ADGRG4: variants seen among roughly 807,000 people sequenced by gnomAD.
ADGRG4 encodes the protein adhesion G protein-coupled receptor G4, also known as G protein-coupled receptor 112.
A neutral mutation model predicts 126.2 loss-of-function variants in ADGRG4; 122 were observed. That is an observed-to-expected ratio of 0.97 (90% confidence interval 0.83 to 1.12). ADGRG4 has a LOEUF of 1.12. Among genes scored for constraint, ADGRG4 ranks in the 50% most tolerant of loss-of-function variants. ADGRG4 has a pLI of 0.00. For synonymous variants in ADGRG4, 943 were observed against 838.7 expected (o/e 1.12, Z -2.15); for missense variants, 2,481 against 2,251.8 (o/e 1.10, Z -2.06).
Position 136,357,713 on chromosome X carries a change from A to G in ADGRG4, c.6937A>G (p.Arg2313Gly), listed in dbSNP as rs981030037. ...MVMDRAILEQ[R>G]EGQEMATISY... ...TTTTCTTTTGCATTAGTTGGAACAG[A>G]GAGAAGGACAAGAAATGGCTACAAT... The change falls in exon 10 of 26, where the codon AGA becomes GGA. Residue 2313 changes from arginine (R) to glycine (G), a missense_variant. Physicochemically the swap from Arg to Gly is moderately radical, Grantham distance 125 (BLOSUM62 -2). Coordinates refer to ENST00000394143, the MANE Select transcript of ADGRG4 (RefSeq NM_153834.4). The G allele has an allele frequency of 8.4e-7, 1 of 1,190,237 alleles. No individual in the cohort carries two copies. The highest frequency in any genetic ancestry group is 1.1e-6 in the Non-Finnish European group (1 of 877,027).
chrX:136,390,341 C>A (rs187471860), intron 16 of ADGRG4, among the ~76,000 whole-genome samples: 48 of 111,663 alleles, frequency 4.3e-4, no homozygotes, highest in African/African-American at 1.6e-3. Flanking sequence ...CATGAGCCAC[C>A]GTGCCTGGTC....
At chrX:136,325,750 A>T (rs1334384574) in intron 5 of ADGRG4, among the ~76,000 whole-genome samples, 1 of 101,682 alleles carries the variant, frequency 9.8e-6, no homozygotes, top group African/African-American at 3.7e-5. Flanking sequence ...TCGCTGCGAC[A>T]CCCAGGCTGG....
Position 136,323,152 on chromosome X carries a change from C to T in ADGRG4, c.445C>T (p.Pro149Ser). 1 of 1,211,756 alleles carries T rather than the reference C, an allele frequency of 8.3e-7. No individual in the cohort carries two copies. Among genetic ancestry groups the T allele is most frequent in the Non-Finnish European group, 1.1e-6 (1 of 895,425 alleles). ...AAGGATACTGGAAGTAACGGATCAA[C>T]CACACAACCTGACACCTCATGGGAC... ...KERILEVTDQ[P>S]HNLTPHGTLF... is the part of the protein sequence containing the mutation. The change falls in exon 5 of 26, where the codon CCA (proline) becomes TCA (serine). Residue 149 changes from proline (P) to serine (S), a missense_variant. Physicochemically the swap from Pro to Ser is moderately conservative, Grantham distance 74 (BLOSUM62 -1). Transcript: ENST00000394143.
At chrX:136,405,569 C>A in intron 22 of ADGRG4, 123 bp from the exon 23 acceptor site, 1 of 477,749 alleles carries the variant, frequency 2.1e-6, no homozygotes, top group Admixed American at 4.8e-5. Flanking sequence ...GAACTCTGTC[C>A]AGTTCATTTC....
chrX:136,393,977 A>G (rs1033294386), intron 18 of ADGRG4, among the ~76,000 whole-genome samples: 1 of 111,907 alleles, frequency 8.9e-6, no homozygotes, highest in Non-Finnish European at 1.9e-5. Flanking sequence ...CCCAGCGCAG[A>G]GTAGCCTTGA....
At chrX:136,395,851 A>G (rs2075344206) in intron 19 of ADGRG4, among the ~76,000 whole-genome samples, 1 of 111,775 alleles carries the variant, frequency 8.9e-6, no homozygotes, top group Non-Finnish European at 1.9e-5. Flanking sequence ...TACTGTTTTT[A>G]CCGATTGCTT....
chrX:136,409,865 C>T (rs1459013689), intron 23 of ADGRG4, among the ~76,000 whole-genome samples: 1 of 112,117 alleles, frequency 8.9e-6, no homozygotes, highest in Non-Finnish European at 1.9e-5. Context: ...TGATGTGGTA[C>T]CAGTTTTCCT....
rs765676084 is a variant in ADGRG4, at chrX:136,348,787, C to T, written c.5081C>T (p.Thr1694Ile). 2 of 1,208,995 alleles carry T rather than the reference C, an allele frequency of 1.7e-6. No homozygotes were observed. Among genetic ancestry groups the T allele is most frequent in the Admixed American group, 2.2e-5 (1 of 45,682 alleles). The change falls in exon 6 of 26, where the codon ACC becomes ATC. Residue 1694 changes from threonine to isoleucine, a missense_variant. By Grantham distance (89) the Thr-to-Ile change is moderately conservative (BLOSUM62 -1). Coordinates refer to ENST00000394143, the MANE Select transcript of ADGRG4 (RefSeq NM_153834.4). ...GGAGCTATTTCCTCCATTCCAAAGA[C>T]CACATTTTCACCATTTCTATCAGCA... ...STGAISSIPK[T>I]TFSPFLSATQ...
At chrX:136,381,066 C>A (rs868102511) in intron 15 of ADGRG4, among the ~76,000 whole-genome samples, 1 of 110,706 alleles carries the variant, frequency 9.0e-6, no homozygotes, top group South Asian at 3.9e-4. Flanking sequence ...TTAGACCTTT[C>A]TTCTTTTCTA....
At chrX:136,394,230 G>A (rs1158835627) in intron 18 of ADGRG4, among the ~76,000 whole-genome samples, 1 of 111,882 alleles carries the variant, frequency 8.9e-6, no homozygotes, top group African/African-American at 3.3e-5. Context: ...TGAGTCTTTG[G>A]AGACAGACAG....
rs1336728642 is a variant in ADGRG4 at position 136,346,968 on chromosome X, A to G, written c.3262A>G (p.Thr1088Ala). 1.7e-6 allele frequency: 2 copies of G among 1,210,205 alleles called. No individual in the cohort carries two copies. The highest frequency in any genetic ancestry group is 2.2e-5 in the Admixed American group (1 of 45,971). Residue 1088 changes from threonine to alanine, a missense_variant, in exon 6 of 26, where the codon ACT (threonine) becomes GCT (alanine). Physicochemically the swap from Thr to Ala is moderately conservative, Grantham distance 58 (BLOSUM62 0). Coordinates refer to ENST00000394143, the MANE Select transcript of ADGRG4 (RefSeq NM_153834.4). ...TACCCATGGAGACTTGATTCGTACCACTTCAGAGGCCACGGTAATCTCTGT... is the reference window on the plus strand; with the variant it reads ...TACCCATGGAGACTTGATTCGTACCGCTTCAGAGGCCACGGTAATCTCTGT... ...VPTHGDLIRT[T>A]SEATVISVRK...
Position 136,346,062 on chromosome X carries a change from G to A in ADGRG4, c.2356G>A (p.Val786Ile). Residue 786 changes from valine to isoleucine, a missense_variant, in exon 6 of 26, where the codon GTA (valine) becomes ATA (isoleucine). Transcript: ENST00000394143. ...ACCAAGGGAGACTGTTGTTCCATCA[G>A]TAGATATAATATCTACTCTTGCTTG... ...LTPRETVVPS[V>I]DIISTLACIQ... 1 of 1,209,082 alleles carries A rather than the reference G, an allele frequency of 8.3e-7. No homozygotes were observed.
At chrX:136,375,812 A>G (rs1385980190) in intron 15 of ADGRG4, among the ~76,000 whole-genome samples, 2 of 111,885 alleles carry the variant, frequency 1.8e-5, no homozygotes, top group Non-Finnish European at 3.8e-5. Flanking sequence ...ATAGTTTGCA[A>G]ATGTTTTCTC....
At chrX:136,356,325 C>A (rs1248408297) in intron 9 of ADGRG4, among the ~76,000 whole-genome samples, 160 bp downstream of exon 9, 1 of 111,293 alleles carries the variant, frequency 9.0e-6, no homozygotes, top group Non-Finnish European at 1.9e-5. Context: ...GTACAAAAAG[C>A]CATCAAGAAA....
rs1334216200 is a variant in ADGRG4 at position 136,332,366 on chromosome X, T to C, written c.685+8974T>C. 2.9e-5 allele frequency among the ~76,000 whole-genome samples: 3 copies of C among 104,371 alleles called. No individual in the cohort carries two copies. The East Asian group carries it at 9.1e-4, about 32-fold the overall frequency. The allele number at this position is 104,371 out of a possible 115,157, so 90.6% of individuals were successfully genotyped here. On this transcript the variant is annotated intron_variant, in intron 5 of 25. Transcript: ENST00000394143. ...TTTTTTATGGCTGCATAGTATTCCA[T>C]GGTGTATATGTGCCACATTTTCTTA... is the stretch of plus-strand genomic sequence containing the variant.
chrX:136,412,142 C>T (rs2075449317), intron 23 of ADGRG4, 123 bp from the exon 24 acceptor site: 1 of 480,211 alleles, frequency 2.1e-6, no homozygotes, highest in Admixed American at 3.5e-5. Flanking sequence ...ATCAGAAAGC[C>T]AGTAATGGCC....
intron 13 of ADGRG4, among the ~76,000 whole-genome samples, chrX:136,368,964 CCA>C (rs2075175969): frequency 8.9e-6 from 1 of 112,281 alleles, no homozygotes. Flanking sequence ...ACTACTGAGC[CCA>C]CACCACTGGG....
In ADGRG4 at chrX:136,347,452, C is replaced by T. The variant is rs1436630350; in HGVS notation, c.3746C>T (p.Thr1249Ile). 2 of 1,207,698 alleles carry T rather than the reference C, an allele frequency of 1.7e-6. No homozygotes were observed. Among genetic ancestry groups the T allele is most frequent in the Non-Finnish European group, 2.2e-6 (2 of 891,694 alleles). Residue 1249 changes from threonine (T) to isoleucine (I), a missense_variant, in exon 6 of 26, where the codon ACT (threonine) becomes ATT (isoleucine). Coordinates refer to ENST00000394143, the MANE Select transcript of ADGRG4 (RefSeq NM_153834.4). ...VHTPVSIQLV[T>I]STSVLSSDKD... Reference sequence around the variant, plus strand: ...ACACCAGTGTCCATCCAGTTGGTGACTAGCACCTCTGTCTTATCTTCCGAC... The same window carrying T: ...ACACCAGTGTCCATCCAGTTGGTGATTAGCACCTCTGTCTTATCTTCCGAC...
chrX:136,381,278 G>A (rs1352177450), intron 15 of ADGRG4, among the ~76,000 whole-genome samples: 2 of 110,380 alleles, frequency 1.8e-5, no homozygotes, highest in Admixed American at 9.7e-5. Context: ...TTCAGACAGG[G>A]TCTCACTCTG....
Sources: allele counts gnomAD v4.1 joint callset (sites outside exome capture counted in the v4.1 genomes callset), GRCh38; gene constraint gnomAD v4.1.1; transcripts MANE v1.5; gene names NCBI Gene and HGNC (gene_info 2026-07-23, HGNC 2026-07-21).